XRCC4: variants seen among roughly 807,000 people sequenced by gnomAD.
XRCC4 encodes DNA repair protein XRCC4.
Under a neutral mutation model 39.1 loss-of-function variants are expected in XRCC4, and 28 were observed. That is an observed-to-expected ratio of 0.72 (90% CI 0.53 to 0.98). The LOEUF is 0.98. Among genes scored for constraint, XRCC4 ranks in the 50% least tolerant of loss-of-function variants. The pLI is 0.00. For synonymous variants in XRCC4, 123 were observed against 126.4 expected, an observed-to-expected ratio of 0.97 and a Z score of 0.18; for missense variants, 350 against 376.4, an observed-to-expected ratio of 0.93 and a Z score of 0.58.
intron 7 of XRCC4, among the ~76,000 whole-genome samples, chr5:83,320,694 A>G (rs1046020488): frequency 3.9e-5 from 6 of 152,076 alleles, no homozygotes; most frequent in Non-Finnish European, 8.8e-5. Flanking sequence ...GTCAGCAGCC[A>G]TCAATATTGA....
At chr5:83,117,199 C>CT (rs1205180362) in intron 3 of XRCC4, among the ~76,000 whole-genome samples, 3 of 152,132 alleles carry the variant, frequency 2.0e-5, no homozygotes, top group African/African-American at 7.2e-5. Flanking sequence ...CCCTTCCTGC[C>CT]TTAGTGCTCT....
chr5:83,359,197 T>C, the XRCC4 span, among the ~76,000 whole-genome samples: 12 of 152,036 alleles, frequency 7.9e-5, no homozygotes, highest in Non-Finnish European at 1.5e-4. Context: ...GGGGTGCCAG[T>C]TACACCTACT....
At chr5:83,085,078 A>G (rs1470780237) in intron 1 of XRCC4, among the ~76,000 whole-genome samples, 1 of 152,208 alleles carries the variant, frequency 6.6e-6, no homozygotes, top group Admixed American at 6.5e-5. Context: ...AGAAGTGACT[A>G]AAATGTTGAA....
At chr5:83,229,813 A>G (rs1752432424) in intron 6 of XRCC4, among the ~76,000 whole-genome samples, 1 of 151,934 alleles carries the variant, frequency 6.6e-6, no homozygotes, top group South Asian at 2.1e-4. Context: ...TAAATACTGC[A>G]TGCACCATTT....
Position 83,302,242 on chromosome 5 carries a change from G to C in XRCC4, c.893+43565G>C, listed in dbSNP as rs546975384. On this transcript the variant is annotated intron_variant, in intron 7 of 7. Transcript: ENST00000396027. ...TGATTCTGTCTCTCTGGTGTTCCAG[G>C]AGCCAATGGGGTACCAAAAAAAAAA... 7.3e-5 allele frequency among the ~76,000 whole-genome samples: 11 copies of C among 150,288 alleles called. 1 individual carries two copies. Among genetic ancestry groups the C allele is most frequent in the African/African-American group, 2.7e-4 (11 of 40,272 alleles).
At chr5:83,315,678 A>G (rs1755854085) in intron 7 of XRCC4, among the ~76,000 whole-genome samples, 1 of 152,150 alleles carries the variant, frequency 6.6e-6, no homozygotes, top group African/African-American at 2.4e-5. Context: ...AGACTAGATG[A>G]TGATACACCT....
rs532073615 is a variant in XRCC4 at position 83,095,297 on chromosome 5, C to G, written c.-10-9613C>G. 3.3e-5 allele frequency among the ~76,000 whole-genome samples: 5 copies of G among 152,278 alleles called. No individual in the cohort carries two copies. In the East Asian group the frequency reaches 9.6e-4, roughly 29 times the overall value. On this transcript the variant is annotated intron_variant, in intron 1 of 7. Coordinates refer to ENST00000396027, the MANE Select transcript of XRCC4 (RefSeq NM_003401.5). Reference sequence around the variant, plus strand: ...AATGGACACAGAAATTTCCTCTGATCAGCCTTGGCCACAGGGTGTATTCCT... The same window carrying G: ...AATGGACACAGAAATTTCCTCTGATGAGCCTTGGCCACAGGGTGTATTCCT...
At chr5:83,353,077 C>G (rs2112239828) in intron 7 of XRCC4, 54 bp from the exon 8 acceptor site, 1 of 1,403,976 alleles carries the variant, frequency 7.1e-7, no homozygotes, top group Non-Finnish European at 9.7e-7. Flanking sequence ...TTCTTTTACT[C>G]TATAACAGAA....
chr5:83,303,212 C>CAAAAA (rs760220069), intron 7 of XRCC4, among the ~76,000 whole-genome samples: 1 of 62,890 alleles, frequency 1.6e-5, no homozygotes, highest in Non-Finnish European at 3.9e-5. Flanking sequence ...GACTCCGTCT[C>CAAAAA]AAAAAAAAAA....
intron 1 of XRCC4, among the ~76,000 whole-genome samples, chr5:83,089,340 CAGG>C (rs1360129029): frequency 3.3e-5 from 5 of 152,204 alleles, no homozygotes; most frequent in African/African-American, 1.2e-4. Context: ...CCCTTTCCAT[CAGG>C]AGAAGAACTG....
intron 3 of XRCC4, among the ~76,000 whole-genome samples, chr5:83,192,426 A>G (rs1448243968): frequency 1.3e-5 from 2 of 149,832 alleles, no homozygotes; most frequent in East Asian, 2.0e-4. Flanking sequence ...TCCTGCCTCA[A>G]CCTCCTGAGT....
At chr5:83,152,999 G>A (rs756251393) in intron 3 of XRCC4, among the ~76,000 whole-genome samples, 32 of 152,188 alleles carry the variant, frequency 2.1e-4, no homozygotes, top group Non-Finnish European at 3.7e-4. Context: ...TCACAAATAC[G>A]TTTCTATGAC....
chr5:83,243,781 G>A (rs146472884), intron 6 of XRCC4, among the ~76,000 whole-genome samples: 3 of 152,312 alleles, frequency 2.0e-5, no homozygotes, highest in African/African-American at 7.2e-5. Flanking sequence ...GGAAGCAAGA[G>A]ATTGGAAAAT....
In XRCC4 at chr5:83,111,171, T is replaced by G. The variant is rs1239084198; in HGVS notation, c.283T>G (p.Phe95Val). 1.9e-6 allele frequency: 3 copies of G among 1,592,830 alleles called. No homozygotes were observed. The African/African-American group carries it at 4.1e-5, about 22-fold the overall frequency. ...TFNFSKESCY[F>V]FFEKNLKDVS... Reference sequence around the variant, plus strand: ...TAATTTTTCTAAAGAGTCTTGTTATTTCTTCTTTGAGAAAAACCTGAAAGA... The same window carrying G: ...TAATTTTTCTAAAGAGTCTTGTTATGTCTTCTTTGAGAAAAACCTGAAAGA... Residue 95 changes from phenylalanine to valine, a missense_variant, in exon 3 of 8, where the codon TTC becomes GTC. Transcript: ENST00000396027.
intron 7 of XRCC4, among the ~76,000 whole-genome samples, chr5:83,346,630 T>C (rs188550885): frequency 9.8e-5 from 15 of 152,348 alleles, no homozygotes; most frequent in Non-Finnish European, 1.8e-4. Context: ...GTAACACTTA[T>C]ATTTGTTCTA....
At chr5:83,140,725 T>C (rs1266755357) in intron 3 of XRCC4, among the ~76,000 whole-genome samples, 3 of 152,252 alleles carry the variant, frequency 2.0e-5, no homozygotes, top group East Asian at 3.8e-4. Flanking sequence ...ATTTAAAATT[T>C]CTTAATTTAG....
intron 7 of XRCC4, among the ~76,000 whole-genome samples, chr5:83,301,357 T>C (rs1419906572): frequency 1.3e-5 from 2 of 152,244 alleles, no homozygotes; most frequent in African/African-American, 4.8e-5. Context: ...TCTATGTTTG[T>C]TGGCCATATA....
At chr5:83,220,585 A>AT (rs779029208) in intron 6 of XRCC4, among the ~76,000 whole-genome samples, 13 of 152,156 alleles carry the variant, frequency 8.5e-5, no homozygotes, top group Non-Finnish European at 1.9e-4. Flanking sequence ...CTCTAAGCAG[A>AT]TTCTGAATGC....
chr5:83,081,880 TCAGA>T (rs1744955650), intron 1 of XRCC4, among the ~76,000 whole-genome samples: 1 of 152,158 alleles, frequency 6.6e-6, no homozygotes, highest in Non-Finnish European at 1.5e-5. Context: ...TATCTTGAAC[TCAGA>T]TGTCCCAGAC....
Sources: gnomAD v4.1 joint callset for allele counts (sites outside exome capture counted in the v4.1 genomes callset) on GRCh38, gnomAD v4.1.1 for gene constraint, MANE v1.5 for transcripts, NCBI Gene and HGNC (gene_info 2026-07-23, HGNC 2026-07-21) for gene names.